Variants in MAD1L1 observed in about 807,000 individuals in gnomAD.
The protein encoded by MAD1L1 is mitotic spindle assembly checkpoint protein MAD1.
Under a neutral mutation model 96.9 loss-of-function variants are expected in MAD1L1, and 95 were observed. That is an observed-to-expected ratio of 0.98 (90% CI 0.83 to 1.16). The LOEUF (loss-of-function observed/expected upper bound fraction) is 1.16. Ranked by LOEUF, MAD1L1 falls within the 50% of genes most tolerant of loss-of-function variation. The pLI is 0.00. For synonymous variants in MAD1L1, 473 were observed against 396.6 expected (o/e 1.19, Z -2.29); for missense variants, 1,007 against 954.4 (o/e 1.06, Z -0.73).
At chr7:2,220,219 C>G (rs3800935) in intron 5 of MAD1L1, among the ~76,000 whole-genome samples, 1 of 152,168 alleles carries the variant, frequency 6.6e-6, no homozygotes, top group Non-Finnish European at 1.5e-5. Flanking sequence ...CGGGAGCACG[C>G]GGCACGGGCA....
At chr7:1,954,290 C>T (rs1425010946) in intron 16 of MAD1L1, among the ~76,000 whole-genome samples, 2 of 152,202 alleles carry the variant, frequency 1.3e-5, no homozygotes, top group Non-Finnish European at 1.5e-5. Flanking sequence ...CCGTGCCCTC[C>T]ACATCCTTGG....
intron 11 of MAD1L1, among the ~76,000 whole-genome samples, chr7:2,122,342 C>T (rs561862119): frequency 6.6e-6 from 1 of 152,330 alleles, no homozygotes; most frequent in African/African-American, 2.4e-5. Context: ...AACAGCCAAT[C>T]CCTGGCTGGG....
At chr7:1,859,437 C>T (rs896928363) in intron 18 of MAD1L1, among the ~76,000 whole-genome samples, 1 of 152,230 alleles carries the variant, frequency 6.6e-6, no homozygotes, top group African/African-American at 2.4e-5. Context: ...GGCTACCGTG[C>T]AAAGGGCTTT....
At chr7:2,129,468 C>T (rs1277348610) in intron 11 of MAD1L1, among the ~76,000 whole-genome samples, 2 of 152,210 alleles carry the variant, frequency 1.3e-5, no homozygotes, top group South Asian at 4.1e-4. Flanking sequence ...CCCCTCCTGC[C>T]GTGGGTCTGA....
intron 10 of MAD1L1, among the ~76,000 whole-genome samples, chr7:2,161,498 C>T (rs1790122119): frequency 1.3e-5 from 2 of 152,104 alleles, no homozygotes; most frequent in African/African-American, 4.8e-5. Context: ...CCCAAAGTGC[C>T]GAGATTGCAG....
intron 12 of MAD1L1, among the ~76,000 whole-genome samples, chr7:2,039,021 C>A (rs548554928): frequency 6.6e-6 from 1 of 152,348 alleles, no homozygotes; most frequent in Admixed American, 6.5e-5. Flanking sequence ...TGTCCGTTCA[C>A]AGCCACGATT....
chr7:1,827,729 GCGT>G (rs1562432209), intron 18 of MAD1L1, among the ~76,000 whole-genome samples: 7 of 27,752 alleles, frequency 2.5e-4, no homozygotes, highest in East Asian at 7.8e-4. Flanking sequence ...CCTGAGCCCT[GCGT>G]GGCTGTGGGG....
intron 18 of MAD1L1, among the ~76,000 whole-genome samples, chr7:1,883,797 C>A (rs1418328002): frequency 6.6e-6 from 1 of 152,206 alleles, no homozygotes; most frequent in East Asian, 1.9e-4. Flanking sequence ...CTCTATTACC[C>A]AGACAGCTTC....
intron 17 of MAD1L1, among the ~76,000 whole-genome samples, chr7:1,916,662 A>G (rs962921747): frequency 2.6e-5 from 4 of 151,856 alleles, no homozygotes; most frequent in African/African-American, 9.7e-5. Context: ...GGCCTGGGGG[A>G]TGATCACTGG....
intron 17 of MAD1L1, among the ~76,000 whole-genome samples, chr7:1,935,861 C>T (rs578113955): frequency 2.1e-4 from 32 of 152,366 alleles, no homozygotes; most frequent in East Asian, 7.7e-4. Flanking sequence ...GGCTGGCAGC[C>T]GGGTGGCTCT....
At chr7:1,894,672 G>A (rs141928498) in intron 18 of MAD1L1, among the ~76,000 whole-genome samples, 13 of 152,242 alleles carry the variant, frequency 8.5e-5, no homozygotes, top group Non-Finnish European at 1.5e-4. Context: ...CAGATGGGGC[G>A]CAGGAAGGTC....
At chr7:1,832,633 CGGGGGGGG>C (rs1277645069) in intron 18 of MAD1L1, among the ~76,000 whole-genome samples, 1 of 2,014 alleles carries the variant, frequency 5.0e-4, no homozygotes, top group South Asian at 0.026. Flanking sequence ...TTTTTTTTGG[CGGGGGGGG>C]GGGGGGTGGG....
chr7:1,918,311 C>T (rs1432644203), intron 17 of MAD1L1, among the ~76,000 whole-genome samples: 1 of 152,202 alleles, frequency 6.6e-6, no homozygotes, highest in Non-Finnish European at 1.5e-5. Context: ...GCAGTCCCCT[C>T]CCCACACCTC....
intron 17 of MAD1L1, among the ~76,000 whole-genome samples, chr7:1,902,134 G>A (rs557045592): frequency 9.2e-5 from 14 of 152,306 alleles, no homozygotes; most frequent in African/African-American, 3.1e-4. Context: ...CGACACTGGT[G>A]CCTGAACAGC....
intron 10 of MAD1L1, among the ~76,000 whole-genome samples, chr7:2,186,592 T>C (rs1791469907): frequency 6.6e-6 from 1 of 152,214 alleles, no homozygotes; most frequent in South Asian, 2.1e-4. Context: ...GTTTGAGCTT[T>C]CTTTGTAGTG....
chr7:2,076,514 G>C (rs913442323), intron 11 of MAD1L1, among the ~76,000 whole-genome samples: 1 of 152,226 alleles, frequency 6.6e-6, no homozygotes, highest in African/African-American at 2.4e-5. Context: ...ATGGTACTTT[G>C]TTAAGTGAGC....
At chr7:2,112,786 CT>C (rs1162581417) in intron 11 of MAD1L1, among the ~76,000 whole-genome samples, 2 of 151,724 alleles carry the variant, frequency 1.3e-5, no homozygotes, top group African/African-American at 4.9e-5. Context: ...ACAGGGCTCA[CT>C]GGGAAAGTGG....
chr7:2,229,122 G>C (rs548266941), intron 3 of MAD1L1, among the ~76,000 whole-genome samples: 1 of 152,310 alleles, frequency 6.6e-6, no homozygotes, highest in African/African-American at 2.4e-5. Context: ...ATGCAGCAGG[G>C]CCTCATCTGG....
At chr7:2,225,840 TG>T (rs772211709) in intron 3 of MAD1L1, among the ~76,000 whole-genome samples, 4 of 152,202 alleles carry the variant, frequency 2.6e-5, no homozygotes, top group Non-Finnish European at 4.4e-5. Context: ...AACGGCTCCG[TG>T]GGTCGGAAGT....
Sources: gnomAD v4.1 joint callset for allele counts (sites outside exome capture counted in the v4.1 genomes callset) on GRCh38, gnomAD v4.1.1 for gene constraint, MANE v1.5 for transcripts, NCBI Gene and HGNC (gene_info 2026-07-23, HGNC 2026-07-21) for gene names.